Variants in ICA1 observed in about 807,000 individuals in gnomAD.
The protein encoded by ICA1 is 69 kDa islet cell autoantigen.
Under a neutral mutation model 71.0 loss-of-function variants are expected in ICA1, and 40 were observed. The ratio of observed to expected loss-of-function variants is 0.56; its 90% confidence interval spans 0.44 to 0.73. The LOEUF is 0.73. ICA1 is among the 30% of genes least tolerant of loss of function. The pLI is 0.00. For synonymous variants in ICA1, 207 were observed against 209.5 expected, an observed-to-expected ratio of 0.99 and a Z score of 0.10; for missense variants, 578 against 576.5, an observed-to-expected ratio of 1.00 and a Z score of -0.03.
intron 12 of ICA1, among the ~76,000 whole-genome samples, chr7:8,135,524 T>C (rs574286762): frequency 6.6e-6 from 1 of 152,298 alleles, no homozygotes; most frequent in Non-Finnish European, 1.5e-5. Flanking sequence ...TGCCACTTCG[T>C]ATGCGAGGAA....
intron 6 of ICA1, 51 bp downstream of exon 6, chr7:8,218,254 C>T: frequency 1.3e-6 from 2 of 1,501,648 alleles, no homozygotes; most frequent in Non-Finnish European, 1.9e-6. Context: ...AATCACACCT[C>T]ATTACCTTCC....
At chr7:8,209,069 G>A (rs183219588) in intron 6 of ICA1, among the ~76,000 whole-genome samples, 8 of 152,306 alleles carry the variant, frequency 5.3e-5, no homozygotes, top group Admixed American at 4.6e-4. Context: ...ACCTTAGGAA[G>A]AAAAGCCAGA....
chr7:8,246,080 T>C (rs936629877), intron 1 of ICA1, among the ~76,000 whole-genome samples: 7 of 152,216 alleles, frequency 4.6e-5, no homozygotes, highest in East Asian at 1.9e-4. Context: ...CCAGAAAGAA[T>C]GGTGTCACAT....
At chr7:8,129,854 T>TC (rs1313413103) in intron 12 of ICA1, among the ~76,000 whole-genome samples, 9 of 53,586 alleles carry the variant, frequency 1.7e-4, no homozygotes, top group Non-Finnish European at 3.2e-4. Flanking sequence ...CCCTCCCCCC[T>TC]CCCCCCACCC....
rs990262754 is a variant in ICA1 at position 8,232,771 on chromosome 7, G to T, written c.18-16C>A. On this transcript the variant is annotated splice_polypyrimidine_tract_variant and intron_variant, in intron 2 of 13. Coordinates refer to ENST00000402384, the MANE Select transcript of ICA1 (RefSeq NM_001136020.3). ...GGGATAACTGCTAAAAACATTTAAA[G>T]AACTATTTTATTCACACCTTTCATA... 9.6e-6 allele frequency: 15 copies of T among 1,564,690 alleles called. No individual in the cohort carries two copies. Among genetic ancestry groups the T allele is most frequent in the African/African-American group, 1.4e-5 (1 of 73,010 alleles).
At chr7:8,154,880 AGTGAGTTGTATC>A (rs1482723592) in intron 8 of ICA1, among the ~76,000 whole-genome samples, 1 of 152,236 alleles carries the variant, frequency 6.6e-6, no homozygotes, top group Non-Finnish European at 1.5e-5. Flanking sequence ...TCGATCTAAT[AGTGAGTTGTATC>A]GTAACAGGAT....
intron 1 of ICA1, among the ~76,000 whole-genome samples, chr7:8,250,137 G>A (rs1807648994): frequency 1.3e-5 from 2 of 152,106 alleles, no homozygotes; most frequent in South Asian, 4.1e-4. Context: ...ATAATTGGAT[G>A]TCTGTGCATT....
intron 12 of ICA1, among the ~76,000 whole-genome samples, chr7:8,135,705 A>T (rs979746641): frequency 5.3e-5 from 8 of 152,228 alleles, no homozygotes; most frequent in Non-Finnish European, 1.0e-4. Flanking sequence ...CACAATTTAG[A>T]ATCACAAGTC....
intron 12 of ICA1, among the ~76,000 whole-genome samples, chr7:8,136,823 T>C (rs1186857643): frequency 6.6e-6 from 1 of 152,138 alleles, no homozygotes; most frequent in Non-Finnish European, 1.5e-5. Context: ...CTAACAAAGA[T>C]CCTAACTATA....
chr7:8,201,299 A>T (rs1418024900), intron 6 of ICA1, among the ~76,000 whole-genome samples: 1 of 152,188 alleles, frequency 6.6e-6, no homozygotes, highest in Non-Finnish European at 1.5e-5. Context: ...TTTTTAAAGG[A>T]TTAGAAAGTG....
chr7:8,208,110 T>C (rs1200684596), intron 6 of ICA1, among the ~76,000 whole-genome samples: 1 of 152,214 alleles, frequency 6.6e-6, no homozygotes, highest in East Asian at 1.9e-4. Flanking sequence ...CACAAGTTTT[T>C]CCTAAAGCAA....
intron 10 of ICA1, 52 bp from the exon 11 acceptor site, chr7:8,139,099 G>A (rs1369183204): frequency 3.6e-6 from 5 of 1,378,174 alleles, no homozygotes; most frequent in Non-Finnish European, 5.2e-6. Flanking sequence ...TGGTGTGCAT[G>A]TTCATACGCT....
chr7:8,243,688 C>G lies in ICA1; in HGVS notation c.-79-7683G>C, dbSNP rs1804831067. Among the ~76,000 whole-genome samples the G allele has an allele frequency of 2.0e-5, 3 of 152,244 alleles. No homozygotes were observed. The South Asian group carries it at 6.2e-4, about 31-fold the overall frequency. ...AAACCCCATTGTCTCAGCCCCAAAT[C>G]TCCTTAAGCAGACAAGCAACTTCAG... is the stretch of plus-strand genomic sequence containing the variant. On this transcript the variant is annotated intron_variant, in intron 1 of 13. Coordinates refer to ENST00000402384, the MANE Select transcript of ICA1 (RefSeq NM_001136020.3).
Position 8,221,398 on chromosome 7 carries a change from A to C in ICA1, c.257T>G (p.Phe86Cys), listed in dbSNP as rs1291847790. ...AIVLYQKRIC[F>C]LSQEENELGK... ...CAGTTCGTTTTCTTCTTGAGACAAG[A>C]CTGATGAAGAAAAGACCAAAAGGAG... Residue 86 changes from phenylalanine (F) to cysteine (C), a missense_variant and splice_region_variant, in exon 5 of 14, where the codon TTC becomes TGC. By Grantham distance (205) the Phe-to-Cys change is radical (BLOSUM62 -2). Transcript: ENST00000402384. 6.2e-7 allele frequency: 1 copy of C among 1,613,278 alleles called. No homozygotes were observed. The highest frequency in any genetic ancestry group is 1.7e-5 in the Admixed American group (1 of 60,002).
chr7:8,238,480 A>C (rs1467829127), intron 1 of ICA1, among the ~76,000 whole-genome samples: 1 of 152,072 alleles, frequency 6.6e-6, no homozygotes, highest in Non-Finnish European at 1.5e-5. Flanking sequence ...AAATTGGGTC[A>C]TTTTGTTATT....
At chr7:8,186,614 C>T (rs1329439352) in intron 6 of ICA1, among the ~76,000 whole-genome samples, 1 of 151,942 alleles carries the variant, frequency 6.6e-6, no homozygotes, top group East Asian at 1.9e-4. Context: ...ATTTTGAAAC[C>T]AAATAAATGG....
rs892643214 is a variant in ICA1, at chr7:8,223,860, A to G, written c.257-2462T>C. On this transcript the variant is annotated intron_variant, in intron 4 of 13. Coordinates refer to ENST00000402384, the MANE Select transcript of ICA1 (RefSeq NM_001136020.3). The surrounding 1 kb of genome is among the most constrained non-coding windows in gnomAD (Gnocchi z 4.1). ...GACTTGAGAATTCAGAGACAAAAACATTTTTATATTTACTTGCTAATTAGG... is the reference window on the plus strand; with the variant it reads ...GACTTGAGAATTCAGAGACAAAAACGTTTTTATATTTACTTGCTAATTAGG... 2.0e-4 allele frequency among the ~76,000 whole-genome samples: 30 copies of G among 152,198 alleles called. No individual in the cohort carries two copies. The highest frequency in any genetic ancestry group is 7.2e-4 in the African/African-American group (30 of 41,440).
intron 6 of ICA1, among the ~76,000 whole-genome samples, chr7:8,175,977 G>T (rs1780502515): frequency 6.6e-6 from 1 of 152,202 alleles, no homozygotes; most frequent in African/African-American, 2.4e-5. Flanking sequence ...GGGAGAAAAA[G>T]GAAGTGAACA....
At chr7:8,181,879 G>A (rs79643179) in intron 6 of ICA1, among the ~76,000 whole-genome samples, 5,733 of 152,230 alleles carry the variant, frequency 0.038, 163 homozygotes, top group East Asian at 0.12. Context: ...GATTATCTGA[G>A]TGTTCCAGTC....
Sources: gnomAD v4.1 joint callset for allele counts (sites outside exome capture counted in the v4.1 genomes callset) on GRCh38, gnomAD v4.1.1 for gene constraint, Gnocchi (gnomAD v3.1) non-coding constraint, MANE v1.5 for transcripts, NCBI Gene and HGNC (gene_info 2026-07-23, HGNC 2026-07-21) for gene names.